ZFHX3: variants seen among roughly 807,000 people sequenced by gnomAD.
ZFHX3 encodes zinc finger homeobox protein 3.
In ZFHX3, 42 loss-of-function variants were observed where a neutral mutation model predicts 279.1. That is an observed-to-expected ratio of 0.15 (90% CI 0.12 to 0.19). ZFHX3 has a LOEUF of 0.19. ZFHX3 is among the 10% of genes least tolerant of loss of function. ZFHX3 has a pLI of 1.00. For synonymous variants in ZFHX3, 2,293 were observed against 1,957.8 expected (o/e 1.17, Z -4.52); for missense variants, 4,981 against 4,754.0 (o/e 1.05, Z -1.40).
At chr16:73,132,820 T>C (rs1966714852) in intron 6 of ZFHX3, among the ~76,000 whole-genome samples, 1 of 152,178 alleles carries the variant, frequency 6.6e-6, no homozygotes, top group Admixed American at 6.5e-5. Flanking sequence ...TATTATTGTA[T>C]AAAGTGATCA....
intron 2 of ZFHX3, among the ~76,000 whole-genome samples, chr16:73,631,972 T>C (rs1211528919): frequency 6.7e-6 from 1 of 148,970 alleles, no homozygotes; most frequent in East Asian, 2.0e-4. Context: ...AAGTTTTGCA[T>C]CTCTAATTAT....
In ZFHX3 at chr16:72,957,530, C is replaced by T. The variant is rs202236544; in HGVS notation, c.2616G>A (p.Leu872=). ...CAGCACTGTCCATCTTCAGGTTGGG[C>T]AGGTTCATGTTCTGGGCCAGGTAGT... ...YQYYLAQNMN[L]PNLKMDSAAS... Residue 872 remains leucine, a synonymous_variant, in exon 2 of 10, where the codon CTG becomes CTA. Coordinates refer to ENST00000268489, the MANE Select transcript of ZFHX3 (RefSeq NM_006885.4). 4.9e-4 allele frequency: 789 copies of T among 1,614,132 alleles called. 2 individuals carry two copies. Among genetic ancestry groups the T allele is most frequent in the Non-Finnish European group, 5.9e-4 (697 of 1,180,030 alleles).
At chr16:73,891,021 T>TCC (rs138449323) in intron 1 of ZFHX3, among the ~76,000 whole-genome samples, 5 of 52,160 alleles carry the variant, frequency 9.6e-5, no homozygotes, top group African/African-American at 2.6e-4. Flanking sequence ...ACCTCGCCGC[T>TCC]CCCCCCCTCC....
intron 3 of ZFHX3, among the ~76,000 whole-genome samples, chr16:72,904,485 G>C (rs1252691087): frequency 6.6e-6 from 1 of 151,978 alleles, no homozygotes; most frequent in South Asian, 2.1e-4. Context: ...TATTCCTCCT[G>C]GGTCTTCAGC....
intron 5 of ZFHX3, among the ~76,000 whole-genome samples, chr16:72,820,093 C>T (rs780350756): frequency 6.6e-6 from 1 of 152,110 alleles, no homozygotes; most frequent in African/African-American, 2.4e-5. Context: ...CTATGCTAGC[C>T]CCCATTTGCA....
intron 1 of ZFHX3, among the ~76,000 whole-genome samples, chr16:73,746,152 A>G (rs556760051): frequency 2.6e-5 from 4 of 152,278 alleles, no homozygotes; most frequent in African/African-American, 9.6e-5. Context: ...CAAATCAAGC[A>G]TATCATTTGA....
chr16:72,928,302 T>C (rs940523307), intron 3 of ZFHX3, among the ~76,000 whole-genome samples: 15 of 125,942 alleles, frequency 1.2e-4, no homozygotes, highest in African/African-American at 4.1e-4. Context: ...CTTTCCACAA[T>C]GTGTGCCCAA....
At chr16:73,255,199 G>A (rs1396299660) in intron 5 of ZFHX3, among the ~76,000 whole-genome samples, 1 of 152,194 alleles carries the variant, frequency 6.6e-6, no homozygotes, top group Admixed American at 6.5e-5. Context: ...CTTTTTATGA[G>A]TCATTGTAAA....
intron 5 of ZFHX3, among the ~76,000 whole-genome samples, chr16:73,219,422 CAGAA>C (rs1254270568): frequency 6.6e-6 from 1 of 152,082 alleles, no homozygotes; most frequent in African/African-American, 2.4e-5. Context: ...TTGGGCAGGC[CAGAA>C]ATAAAGCAAG....
At chr16:73,679,821 C>T (rs1282255547) in intron 2 of ZFHX3, 6 of 152,178 alleles carry the variant, frequency 3.9e-5, no homozygotes, top group Admixed American at 2.6e-4. Flanking sequence ...ATGACTTACA[C>T]AGCCAGCACC....
intron 5 of ZFHX3, among the ~76,000 whole-genome samples, chr16:73,195,371 A>G (rs1968120618): frequency 6.6e-6 from 1 of 151,916 alleles, no homozygotes; most frequent in South Asian, 2.1e-4. Context: ...TTAAGTACAG[A>G]GAAGATACAG....
At chr16:73,371,426 C>T (rs982254848) in intron 3 of ZFHX3, among the ~76,000 whole-genome samples, 1 of 151,788 alleles carries the variant, frequency 6.6e-6, no homozygotes, top group Non-Finnish European at 1.5e-5. Context: ...GCCCTATTGC[C>T]CAGGCTGGAG....
chr16:72,992,603 C>A (rs1043544787), intron 1 of ZFHX3, among the ~76,000 whole-genome samples: 2 of 152,200 alleles, frequency 1.3e-5, no homozygotes, highest in Non-Finnish European at 2.9e-5. Flanking sequence ...AGAGGGGACT[C>A]AGCCACATTT....
chr16:73,050,318 A>G (rs562467825), upstream of ZFHX3, among the ~76,000 whole-genome samples: 10 of 152,358 alleles, frequency 6.6e-5, no homozygotes, highest in Non-Finnish European at 1.5e-4. Context: ...AGACCCTGCA[A>G]CCTGCCTCCT....
chr16:73,312,739 A>G (rs750228368), intron 4 of ZFHX3, among the ~76,000 whole-genome samples: 40 of 152,238 alleles, frequency 2.6e-4, no homozygotes, highest in Non-Finnish European at 4.8e-4. Flanking sequence ...ATGAGGAAAT[A>G]CAGGCTCAGG....
At position 72,949,912 on chromosome 16, in the gene ZFHX3, T is replaced by C. The variant is rs1417846859; in HGVS notation, c.3216+557A>G. Among the ~76,000 whole-genome samples the C allele has an allele frequency of 9.0e-5, 4 of 44,484 alleles. No individual in the cohort carries two copies. In the East Asian group the frequency reaches 2.3e-3, roughly 25 times the overall value. 29.2% of individuals were successfully genotyped at this position (44,484 alleles called of 152,430 possible). A position where few individuals can be genotyped will look rare whatever the true frequency, so the allele number is the denominator to read the frequency against. ...CTATGAGGGCAGGGATTTTCTTTTC[T>C]TTTTTTTTTTTTTTTTTGGTCAGAT... is the stretch of plus-strand genomic sequence containing the variant. On this transcript the variant is annotated intron_variant, in intron 3 of 9. Coordinates refer to ENST00000268489, the MANE Select transcript of ZFHX3 (RefSeq NM_006885.4).
intron 5 of ZFHX3, among the ~76,000 whole-genome samples, chr16:73,147,869 C>G (rs1460416240): frequency 6.6e-6 from 1 of 152,002 alleles, no homozygotes; most frequent in African/African-American, 2.4e-5. Context: ...GAGATCCTCT[C>G]CCAAAAACAA....
At chr16:73,250,246 C>G (rs1184673131) in intron 5 of ZFHX3, among the ~76,000 whole-genome samples, 1 of 152,150 alleles carries the variant, frequency 6.6e-6, no homozygotes, top group Non-Finnish European at 1.5e-5. Context: ...CATGATATAC[C>G]AAGCATGGTG....
intron 5 of ZFHX3, among the ~76,000 whole-genome samples, chr16:73,158,674 A>C (rs903719398): frequency 6.6e-6 from 1 of 152,186 alleles, no homozygotes; most frequent in Non-Finnish European, 1.5e-5. Context: ...TCTGACTTCA[A>C]AGTACACTAC....
Sources: allele counts gnomAD v4.1 joint callset (sites outside exome capture counted in the v4.1 genomes callset), GRCh38; gene constraint gnomAD v4.1.1; transcripts MANE v1.5; gene names NCBI Gene and HGNC (gene_info 2026-07-23, HGNC 2026-07-21).